The following VCAM1 variants were observed in gnomAD, a reference collection of about 807,000 sequenced individuals.
VCAM1 encodes vascular cell adhesion protein 1.
A neutral mutation model predicts 63.8 loss-of-function variants in VCAM1; 41 were observed. The ratio of observed to expected loss-of-function variants is 0.64; its 90% CI spans 0.50 to 0.83. The LOEUF is 0.83. VCAM1 is among the 40% of genes least tolerant of loss of function. The pLI is 0.00. For missense variants in VCAM1, 798 were observed against 875.5 expected (o/e 0.91, Z 1.12); for synonymous variants, 338 against 320.7 (o/e 1.05, Z -0.58).
intron 4 of VCAM1, among the ~76,000 whole-genome samples, chr1:100,726,032 A>G (rs1296090319): frequency 6.6e-6 from 1 of 151,990 alleles, no homozygotes; most frequent in Non-Finnish European, 1.5e-5. Context: ...CTTTGTATCC[A>G]TTGACCAACA....
Position 100,729,389 on chromosome 1 carries a change from G to T in VCAM1, c.1204+7G>T. 6.5e-7 allele frequency: 1 copy of T among 1,550,124 alleles called. No homozygotes were observed. The highest frequency in any genetic ancestry group is 1.2e-5 in the South Asian group (1 of 80,984). ...ATCCAGGTGGAGCTCTACTGTAAGT[G>T]GTTTTCAGAATTGTTTACTGTTTTT... On this transcript the variant is annotated splice_region_variant and intron_variant, in intron 5 of 8. Transcript: ENST00000294728.
chr1:100,734,799 G>T (rs755064993), intron 8 of VCAM1, 31 bp downstream of exon 8: 15 of 1,608,874 alleles, frequency 9.3e-6, no homozygotes, highest in Non-Finnish European at 1.1e-5. Context: ...TGTTTTCTTG[G>T]TAATAGTTCA....
At position 100,738,381 on chromosome 1, in the gene VCAM1, A is replaced by C. The variant is rs1270677358; in HGVS notation, c.*98A>C. The C allele has an allele frequency of 1.6e-5, 22 of 1,350,654 alleles. No individual in the cohort carries two copies. The highest frequency in any genetic ancestry group is 2.0e-5 in the Non-Finnish European group (20 of 986,302). 83.7% of individuals were successfully genotyped at this position (1,350,654 alleles called of 1,614,324 possible). ...AGAAAAACAATGAGCTGAGAGGCAG[A>C]CTTCCCTGAATGTATTGAACTTGGA... On this transcript the variant is annotated 3_prime_UTR_variant, in exon 9 of 9. Transcript: ENST00000294728.
intron 8 of VCAM1, chr1:100,736,319 T>C (rs1224451198): frequency 6.6e-6 from 1 of 152,210 alleles, no homozygotes; most frequent in Non-Finnish European, 1.5e-5. Context: ...TAAATTTTAA[T>C]GAAGACCAAA....
At chr1:100,725,780 AT>A (rs1303031564) in intron 4 of VCAM1, among the ~76,000 whole-genome samples, 1 of 151,948 alleles carries the variant, frequency 6.6e-6, no homozygotes, top group Non-Finnish European at 1.5e-5. Context: ...TTTTTAAAAT[AT>A]TTTTAATTGA....
chr1:100,725,886 C>T (rs985485748), intron 4 of VCAM1, among the ~76,000 whole-genome samples: 16 of 151,968 alleles, frequency 1.1e-4, no homozygotes, highest in Non-Finnish European at 1.2e-4. Flanking sequence ...AATCCATTGC[C>T]TCACTTGCTC....
intron 4 of VCAM1, among the ~76,000 whole-genome samples, chr1:100,727,581 C>T (rs772457913): frequency 5.3e-5 from 8 of 152,032 alleles, no homozygotes; most frequent in Non-Finnish European, 1.0e-4. Flanking sequence ...ACATGGGATA[C>T]TACTGGCCTA....
intron 4 of VCAM1, 70 bp downstream of exon 4, chr1:100,724,960 T>G: frequency 6.4e-7 from 1 of 1,557,726 alleles, no homozygotes; most frequent in Non-Finnish European, 8.7e-7. Flanking sequence ...CAACACAGCT[T>G]CAATGCTGAA....
In VCAM1 at chr1:100,724,601, A is replaced by G. The variant is rs1256399354; in HGVS notation, c.662-23A>G. On this transcript the variant is annotated intron_variant, in intron 3 of 8. Transcript: ENST00000294728. ...ACTGGGATGATGCTTAGCAATTGCTAATATTATTTTTTGCCCTTTCAGTAT... is the reference window on the plus strand; with the variant it reads ...ACTGGGATGATGCTTAGCAATTGCTGATATTATTTTTTGCCCTTTCAGTAT... 1.9e-6 allele frequency: 3 copies of G among 1,605,474 alleles called. No individual in the cohort carries two copies. In the Admixed American group the frequency reaches 5.1e-5, roughly 27 times the overall value.
chr1:100,729,426 C>A (rs1344793598), intron 5 of VCAM1, 44 bp downstream of exon 5: 3 of 1,466,882 alleles, frequency 2.0e-6, no homozygotes, highest in South Asian at 1.5e-5. Context: ...TTTTTCAGTT[C>A]TATTGGAAGA....
intron 2 of VCAM1, 37 bp from the exon 3 acceptor site, chr1:100,722,983 C>T (rs745651252): frequency 1.3e-6 from 2 of 1,571,862 alleles, no homozygotes; most frequent in Non-Finnish European, 1.7e-6. Flanking sequence ...ATCACATTAG[C>T]AAAAAGCCCA....
intron 7 of VCAM1, 23 bp downstream of exon 7, chr1:100,732,707 G>A (rs906804222): frequency 2.0e-6 from 3 of 1,532,248 alleles, no homozygotes; most frequent in Non-Finnish European, 2.6e-6. Flanking sequence ...TGAGTAATGA[G>A]TTATCCTTGC....
intron 6 of VCAM1, among the ~76,000 whole-genome samples, 193 bp from the exon 7 acceptor site, chr1:100,732,225 A>G (rs1660487691): frequency 6.6e-6 from 1 of 152,144 alleles, no homozygotes; most frequent in Non-Finnish European, 1.5e-5. Flanking sequence ...AAACACCATG[A>G]CGTGTCCATG....
In VCAM1 at chr1:100,731,431, G is replaced by A; in HGVS notation, c.1438G>A (p.Ala480Thr). 6.2e-7 allele frequency: 1 copy of A among 1,613,734 alleles called. No individual in the cohort carries two copies. Among genetic ancestry groups the A allele is most frequent in the Non-Finnish European group, 8.5e-7 (1 of 1,179,830 alleles). Residue 480 changes from alanine (A) to threonine (T), a missense_variant, in exon 6 of 9, where the codon GCT becomes ACT. Ala to Thr is a moderately conservative substitution (Grantham distance 58). Coordinates refer to ENST00000294728, the MANE Select transcript of VCAM1 (RefSeq NM_001078.4). The surrounding 1 kb of genome is among the most constrained non-coding windows in gnomAD (Gnocchi z 4.2). ...CCCTACCATTGAAGATACTGGAAAA[G>A]CTCTTGTTTGTCAGGCTAAGTTACA... ...FIPTIEDTGK[A>T]LVCQAKLHID...
chr1:100,722,753 A>G (rs1249119664), intron 2 of VCAM1, among the ~76,000 whole-genome samples: 1 of 152,106 alleles, frequency 6.6e-6, no homozygotes, highest in Non-Finnish European at 1.5e-5. Context: ...CAATATAAAC[A>G]TTATTTTTTC....
chr1:100,722,257 C>T (rs547414661), intron 2 of VCAM1, among the ~76,000 whole-genome samples: 2 of 152,184 alleles, frequency 1.3e-5, no homozygotes, highest in East Asian at 3.9e-4. Flanking sequence ...TTCAATGGAA[C>T]ACTTGTTGGG....
At chr1:100,722,968 C>T (rs532190747) in intron 2 of VCAM1, 52 bp from the exon 3 acceptor site, 1 of 1,542,582 alleles carries the variant, frequency 6.5e-7, no homozygotes, top group Non-Finnish European at 8.7e-7. Context: ...GGTAAGAGAC[C>T]TTATATCACA....
intron 4 of VCAM1, among the ~76,000 whole-genome samples, chr1:100,727,637 G>A (rs1350249274): frequency 6.6e-6 from 1 of 152,008 alleles, no homozygotes; most frequent in Non-Finnish European, 1.5e-5. Context: ...ACCTAAAAGA[G>A]TTACTCCTCC....
intron 4 of VCAM1, among the ~76,000 whole-genome samples, chr1:100,725,515 T>C (rs1350884395): frequency 3.3e-5 from 5 of 152,020 alleles, no homozygotes; most frequent in Non-Finnish European, 1.5e-5. Flanking sequence ...GAGTGGAATC[T>C]CCCAGAGATT....
Sources: allele counts gnomAD v4.1 joint callset (sites outside exome capture counted in the v4.1 genomes callset), GRCh38; gene constraint gnomAD v4.1.1; non-coding constraint Gnocchi (gnomAD v3.1); transcripts MANE v1.5; gene names NCBI Gene and HGNC (gene_info 2026-07-23, HGNC 2026-07-21).